The following CNMD variants were observed in gnomAD, a reference collection of about 807,000 sequenced individuals.
CNMD encodes the protein leukocyte cell-derived chemotaxin 1.
CNMD carries 30 observed loss-of-function variants against 37.5 expected under a neutral mutation model. The observed-to-expected ratio is 0.80, with a 90% CI of 0.60 to 1.09. The LOEUF (loss-of-function observed/expected upper bound fraction) is 1.09, where lower values mean the gene tolerates loss of function less well. CNMD is among the 50% of genes least tolerant of loss of function. CNMD has a pLI of 0.00. For missense variants in CNMD, 398 were observed against 423.9 expected (o/e 0.94, Z 0.54); for synonymous variants, 167 against 148.2 (o/e 1.13, Z -0.92).
chr13:52,713,627 G>C (rs1174023869), intron 4 of CNMD, among the ~76,000 whole-genome samples: 1 of 152,188 alleles, frequency 6.6e-6, no homozygotes, highest in Non-Finnish European at 1.5e-5. Flanking sequence ...GCTTATGGCT[G>C]CATTAAAACA....
chr13:52,726,373 T>A (rs1315042350), intron 3 of CNMD, among the ~76,000 whole-genome samples: 1 of 152,152 alleles, frequency 6.6e-6, no homozygotes, highest in African/African-American at 2.4e-5. Context: ...CAAGTTTCTT[T>A]TTATCAGTGG....
rs74086012 is a variant in CNMD, at chr13:52,710,071, G to A, written c.623-1369C>T. Among the ~76,000 whole-genome samples, 935 of 152,302 alleles carry A rather than the reference G, an allele frequency of 6.1e-3. 15 individuals carry two copies. Among genetic ancestry groups the A allele is most frequent in the African/African-American group, 0.021 (893 of 41,560 alleles). ...GGATAATAGTAATATCTAATTCATAGGGTAGTGATAGGGTTAATGAGAATC... is the reference window on the plus strand; with the variant it reads ...GGATAATAGTAATATCTAATTCATAAGGTAGTGATAGGGTTAATGAGAATC... On this transcript the variant is annotated intron_variant, in intron 5 of 6. Transcript: ENST00000377962.
At position 52,703,582 on chromosome 13, in the gene CNMD, A is replaced by C; in HGVS notation, c.*13T>G. Reference sequence around the variant, plus strand: ...TAGTTCTTATTTTACAGCACATGATATATGAAGTGATTTCACACCATGCCC... The same window carrying C: ...TAGTTCTTATTTTACAGCACATGATCTATGAAGTGATTTCACACCATGCCC... On this transcript the variant is annotated 3_prime_UTR_variant, in exon 7 of 7. Coordinates refer to ENST00000377962, the MANE Select transcript of CNMD (RefSeq NM_007015.3). 1 of 1,578,358 alleles carries C rather than the reference A, an allele frequency of 6.3e-7. No individual in the cohort carries two copies. Among genetic ancestry groups the C allele is most frequent in the Non-Finnish European group, 8.7e-7 (1 of 1,148,992 alleles).
In CNMD at chr13:52,703,577, A is replaced by G. The variant is rs1052307; in HGVS notation, c.*18T>C. 6.4e-7 allele frequency: 1 copy of G among 1,556,562 alleles called. No individual in the cohort carries two copies. The highest frequency in any genetic ancestry group is 8.9e-7 in the Non-Finnish European group (1 of 1,129,814). On this transcript the variant is annotated 3_prime_UTR_variant, in exon 7 of 7. Transcript: ENST00000377962. Reference sequence around the variant, plus strand: ...TCAGCTAGTTCTTATTTTACAGCACATGATATATGAAGTGATTTCACACCA... The same window carrying G: ...TCAGCTAGTTCTTATTTTACAGCACGTGATATATGAAGTGATTTCACACCA...
intron 4 of CNMD, among the ~76,000 whole-genome samples, chr13:52,722,930 A>G (rs1964506732): frequency 6.6e-6 from 1 of 152,196 alleles, no homozygotes; most frequent in Non-Finnish European, 1.5e-5. Flanking sequence ...AATGTAGGGC[A>G]AAACAATTAG....
chr13:52,735,607 GGAA>G lies in CNMD; in HGVS notation c.214-2251_214-2249del, dbSNP rs1221539736. On this transcript the variant is annotated intron_variant, in intron 2 of 6. Coordinates refer to ENST00000377962, the MANE Select transcript of CNMD (RefSeq NM_007015.3). Reference sequence around the variant, plus strand: ...TCTTTTGGCTTCCCTGGGCCACAATGGAAGAAGAATTGTCTTGGACCACACATA... The same window carrying G: ...TCTTTTGGCTTCCCTGGGCCACAATGGAAGAATTGTCTTGGACCACACATA... 7.9e-5 allele frequency among the ~76,000 whole-genome samples: 12 copies of G among 151,572 alleles called. No homozygotes were observed. The South Asian group carries it at 1.0e-3, about 13-fold the overall frequency.
At position 52,703,583 on chromosome 13, in the gene CNMD, T is replaced by G. The variant is rs1198396900; in HGVS notation, c.*12A>C. Reference sequence around the variant, plus strand: ...AGTTCTTATTTTACAGCACATGATATATGAAGTGATTTCACACCATGCCCA... The same window carrying G: ...AGTTCTTATTTTACAGCACATGATAGATGAAGTGATTTCACACCATGCCCA... On this transcript the variant is annotated 3_prime_UTR_variant, in exon 7 of 7. Coordinates refer to ENST00000377962, the MANE Select transcript of CNMD (RefSeq NM_007015.3). The G allele has an allele frequency of 6.3e-7, 1 of 1,581,828 alleles. No individual in the cohort carries two copies.
intron 6 of CNMD, 47 bp from the exon 7 acceptor site, chr13:52,703,857 G>T: frequency 6.7e-7 from 1 of 1,483,422 alleles, no homozygotes; most frequent in Non-Finnish European, 9.4e-7. Flanking sequence ...TAGTGGGAAG[G>T]TCATAGCATG....
At chr13:52,735,827 C>CTTTTT (rs34873599) in intron 2 of CNMD, among the ~76,000 whole-genome samples, 4 of 120,616 alleles carry the variant, frequency 3.3e-5, no homozygotes, top group African/African-American at 1.2e-4. Context: ...TGCGGCCCAC[C>CTTTTT]TTTTTTTTTT....
intron 3 of CNMD, among the ~76,000 whole-genome samples, chr13:52,729,234 G>A (rs913763543): frequency 6.6e-6 from 1 of 152,160 alleles, no homozygotes; most frequent in Non-Finnish European, 1.5e-5. Context: ...TTGTCACAAA[G>A]ATTGGGGGCA....
chr13:52,735,431 A>G (rs1040439926), intron 2 of CNMD, among the ~76,000 whole-genome samples: 17 of 152,298 alleles, frequency 1.1e-4, no homozygotes, highest in African/African-American at 3.8e-4. Context: ...ATTTAAGAAC[A>G]TAACCATTTC....
At chr13:52,728,004 TATC>T (rs1424631798) in intron 3 of CNMD, among the ~76,000 whole-genome samples, 1 of 152,164 alleles carries the variant, frequency 6.6e-6, no homozygotes, top group Non-Finnish European at 1.5e-5. Context: ...ACCCTAACAT[TATC>T]ATTACACATC....
intron 2 of CNMD, among the ~76,000 whole-genome samples, chr13:52,738,695 A>C (rs1244091545): frequency 6.6e-6 from 1 of 152,142 alleles, no homozygotes; most frequent in Non-Finnish European, 1.5e-5. Context: ...TTTTCCCTTC[A>C]GGACGAGTAC....
At chr13:52,708,430 C>T in intron 6 of CNMD, 106 bp downstream of exon 6, 1 of 975,992 alleles carries the variant, frequency 1.0e-6, no homozygotes, top group Non-Finnish European at 1.5e-6. Context: ...ATCTGCCCAC[C>T]CCTGCCTCCC....
Position 52,705,137 on chromosome 13 carries a change from A to G in CNMD, c.790-1327T>C, listed in dbSNP as rs370325768. On this transcript the variant is annotated intron_variant, in intron 6 of 6. Transcript: ENST00000377962. ...ACACCAATAGACTCATCTAGATTGG[A>G]CAATTGCTAACCTATTGTCAAATTT... 1.6e-4 allele frequency among the ~76,000 whole-genome samples: 25 copies of G among 152,304 alleles called. 1 individual carries two copies. Among genetic ancestry groups the G allele is most frequent in the East Asian group, 5.8e-4 (3 of 5,188 alleles).
At chr13:52,733,894 T>C (rs1013557821) in intron 2 of CNMD, among the ~76,000 whole-genome samples, 2 of 152,170 alleles carry the variant, frequency 1.3e-5, no homozygotes, top group African/African-American at 4.8e-5. Context: ...GCATGCAGTG[T>C]CTCAGGTATA....
At chr13:52,730,092 G>A (rs1407400232) in intron 3 of CNMD, among the ~76,000 whole-genome samples, 2 of 151,248 alleles carry the variant, frequency 1.3e-5, no homozygotes, top group East Asian at 1.9e-4. Context: ...TTGTCCTTGC[G>A]ATAGTTTGCT....
Position 52,731,484 on chromosome 13 carries a change from C to CA in CNMD, c.354+1734dup, listed in dbSNP as rs969055032. ...TAAACCCATAACAGGTTCTATCCAT[C>CA]AAAAAAAATGTTCTACTCACCAGTT... On this transcript the variant is annotated intron_variant, in intron 3 of 6. Transcript: ENST00000377962. Among the ~76,000 whole-genome samples, 14 of 151,688 alleles carry CA rather than the reference C, an allele frequency of 9.2e-5. No homozygotes were observed. The South Asian group carries it at 1.2e-3, about 13-fold the overall frequency.
intron 4 of CNMD, among the ~76,000 whole-genome samples, chr13:52,723,123 A>G (rs1478469041): frequency 2.0e-5 from 3 of 151,922 alleles, no homozygotes; most frequent in Non-Finnish European, 2.9e-5. Flanking sequence ...ATAGAGTCTC[A>G]TTCTGTTGCC....
Sources: gnomAD v4.1 joint callset for allele counts (sites outside exome capture counted in the v4.1 genomes callset) on GRCh38, gnomAD v4.1.1 for gene constraint, MANE v1.5 for transcripts, NCBI Gene and HGNC (gene_info 2026-07-23, HGNC 2026-07-21) for gene names.